Variants in FSTL5 observed in about 807,000 individuals in gnomAD.
The protein encoded by FSTL5 is follistatin like 5.
In FSTL5, 62 loss-of-function variants were observed where a neutral mutation model predicts 89.1. The ratio of observed to expected loss-of-function variants is 0.70; its 90% CI spans 0.57 to 0.86. The LOEUF (loss-of-function observed/expected upper bound fraction) is 0.86, where lower values mean the gene tolerates loss of function less well. Among genes scored for constraint, FSTL5 ranks in the 40% least tolerant of loss-of-function variants. FSTL5 has a pLI of 0.00. For missense variants in FSTL5, 1,057 were observed against 1,001.6 expected, an observed-to-expected ratio of 1.06 and a Z score of -0.75; for synonymous variants, 383 against 346.2, an observed-to-expected ratio of 1.11 and a Z score of -1.18.
chr4:161,660,666 T>C (rs965095645), intron 6 of FSTL5, among the ~76,000 whole-genome samples: 13 of 152,060 alleles, frequency 8.5e-5, no homozygotes, highest in Admixed American at 5.9e-4. Flanking sequence ...GTTGTTCCCA[T>C]CTATGTGTCC....
intron 13 of FSTL5, among the ~76,000 whole-genome samples, chr4:161,466,200 T>C (rs1470601693): frequency 6.6e-6 from 1 of 152,216 alleles, no homozygotes; most frequent in Non-Finnish European, 1.5e-5. Flanking sequence ...ACTTACATTA[T>C]GAGATTTTTT....
chr4:161,770,030 C>T (rs558592925), intron 5 of FSTL5, among the ~76,000 whole-genome samples: 2 of 151,948 alleles, frequency 1.3e-5, no homozygotes, highest in East Asian at 3.9e-4. Context: ...AGCATTTAGC[C>T]ATAAAAAAGA....
At chr4:162,145,979 A>G (rs1732958610) in intron 1 of FSTL5, among the ~76,000 whole-genome samples, 1 of 152,190 alleles carries the variant, frequency 6.6e-6, no homozygotes, top group African/African-American at 2.4e-5. Context: ...TAGTTTATGC[A>G]ATACTTAGGA....
chr4:161,601,329 GAAAAAAA>G (rs35261391), intron 7 of FSTL5, among the ~76,000 whole-genome samples: 1 of 107,566 alleles, frequency 9.3e-6, no homozygotes, highest in Non-Finnish European at 1.8e-5. Context: ...TAAATAGTTG[GAAAAAAA>G]AAAAAAAAAA....
chr4:161,603,122 A>G (rs1734308213), intron 7 of FSTL5, among the ~76,000 whole-genome samples: 3 of 152,166 alleles, frequency 2.0e-5, no homozygotes, highest in African/African-American at 7.2e-5. Context: ...AGGAGCTGAC[A>G]TGTCACTTCA....
intron 3 of FSTL5, among the ~76,000 whole-genome samples, chr4:162,026,942 C>G (rs1322386420): frequency 6.6e-6 from 1 of 152,092 alleles, no homozygotes; most frequent in African/African-American, 2.4e-5. Context: ...CACTGAAACC[C>G]AGACAAATGA....
chr4:161,610,251 A>G (rs966291875), intron 7 of FSTL5, among the ~76,000 whole-genome samples: 4 of 152,138 alleles, frequency 2.6e-5, no homozygotes, highest in Non-Finnish European at 5.9e-5. Flanking sequence ...CATGTTGCAC[A>G]CATTTGTAAA....
intron 3 of FSTL5, among the ~76,000 whole-genome samples, chr4:161,944,805 T>C (rs1734692811): frequency 6.6e-6 from 1 of 151,830 alleles, no homozygotes; most frequent in Admixed American, 6.6e-5. Flanking sequence ...TTTATAATTT[T>C]GTTTGTTTTT....
At chr4:162,103,972 C>T (rs1731105627) in intron 2 of FSTL5, among the ~76,000 whole-genome samples, 1 of 152,202 alleles carries the variant, frequency 6.6e-6, no homozygotes, top group Admixed American at 6.5e-5. Flanking sequence ...TGGGTCCCCT[C>T]CCTTTGTATG....
chr4:161,453,883 CATG>C (rs1172270968), intron 15 of FSTL5, among the ~76,000 whole-genome samples: 2 of 152,174 alleles, frequency 1.3e-5, no homozygotes, highest in African/African-American at 4.8e-5. Flanking sequence ...GGAGAGCTAC[CATG>C]CCCAGCCTGC....
At chr4:161,500,622 T>C (rs574540910) in intron 11 of FSTL5, among the ~76,000 whole-genome samples, 1 of 152,252 alleles carries the variant, frequency 6.6e-6, no homozygotes, top group African/African-American at 2.4e-5. Context: ...AGAATATAAA[T>C]TTTCTTAAAC....
chr4:161,408,101 G>T (rs891913616), intron 15 of FSTL5, among the ~76,000 whole-genome samples: 1 of 152,106 alleles, frequency 6.6e-6, no homozygotes, highest in Non-Finnish European at 1.5e-5. Flanking sequence ...CATCCGCAGG[G>T]TTGTTTGGTA....
chr4:161,895,505 A>T (rs1287139692), intron 4 of FSTL5, among the ~76,000 whole-genome samples: 1 of 152,132 alleles, frequency 6.6e-6, no homozygotes, highest in East Asian at 1.9e-4. Flanking sequence ...GAGGAAAATG[A>T]AGCTGACTTT....
At chr4:161,510,325 A>G in intron 11 of FSTL5, 73 bp downstream of exon 11, 1 of 920,028 alleles carries the variant, frequency 1.1e-6, no homozygotes, top group Non-Finnish European at 1.6e-6. Context: ...AATTAATGAT[A>G]CAAAATATAA....
chr4:161,423,921 G>A (rs541374954), intron 15 of FSTL5, among the ~76,000 whole-genome samples: 25 of 151,022 alleles, frequency 1.7e-4, no homozygotes, highest in Non-Finnish European at 2.5e-4. Context: ...GTGCAGTGGC[G>A]CAATCTGGGC....
At chr4:162,062,730 T>A (rs1282413913) in intron 2 of FSTL5, among the ~76,000 whole-genome samples, 2 of 151,330 alleles carry the variant, frequency 1.3e-5, no homozygotes, top group Admixed American at 1.3e-4. Context: ...ATGTTAAAAA[T>A]ATATATATGT....
At chr4:161,966,904 G>T (rs959227826) in intron 3 of FSTL5, among the ~76,000 whole-genome samples, 3 of 151,832 alleles carry the variant, frequency 2.0e-5, no homozygotes, top group Non-Finnish European at 4.4e-5. Flanking sequence ...CTCAAATCAT[G>T]CTTTAGTTAA....
intron 2 of FSTL5, among the ~76,000 whole-genome samples, chr4:162,086,601 T>C (rs1730331783): frequency 6.6e-6 from 1 of 152,026 alleles, no homozygotes; most frequent in African/African-American, 2.4e-5. Flanking sequence ...TTATTACTTT[T>C]TTAATGCCAA....
At position 161,706,575 on chromosome 4, in the gene FSTL5, AG is replaced by A. The variant is rs376081551; in HGVS notation, c.728-50082del. The stretch of plus-strand genomic sequence containing the variant: ...CAATCCGGAAAGGAAAATTAGTGAA[AG>A]CTGTTACAGGATATTTGTTAATACT... On this transcript the variant is annotated intron_variant, in intron 6 of 15. Coordinates refer to ENST00000306100, the MANE Select transcript of FSTL5 (RefSeq NM_020116.5). Among the ~76,000 whole-genome samples the A allele has an allele frequency of 3.8e-3, 580 of 152,162 alleles. 2 individuals carry two copies. Among genetic ancestry groups the A allele is most frequent in the African/African-American group, 0.013 (523 of 41,578 alleles).
Sources: allele counts gnomAD v4.1 joint callset (sites outside exome capture counted in the v4.1 genomes callset), GRCh38; gene constraint gnomAD v4.1.1; transcripts MANE v1.5; gene names NCBI Gene and HGNC (gene_info 2026-07-23, HGNC 2026-07-21).